The following FAM149B1 variants were observed in gnomAD, a reference collection of about 807,000 sequenced individuals.
FAM149B1 encodes primary cilium assembly protein FAM149B1.
FAM149B1 carries 56 observed loss-of-function variants against 75.3 expected under a neutral mutation model. The observed-to-expected ratio is 0.74, with a 90% CI of 0.60 to 0.93. The LOEUF is 0.93. Ranked by LOEUF, FAM149B1 falls within the 40% of genes least tolerant of loss-of-function variation. FAM149B1 has a pLI of 0.00. For synonymous variants in FAM149B1, 259 were observed against 256.1 expected (o/e 1.01, Z -0.11); for missense variants, 639 against 708.4 (o/e 0.90, Z 1.11).
In FAM149B1 at chr10:73,193,570, G is replaced by T. The variant is rs2042728384; in HGVS notation, c.519G>T (p.Leu173Phe). The T allele has an allele frequency of 6.4e-7, 1 of 1,550,824 alleles. No individual in the cohort carries two copies. The highest frequency in any genetic ancestry group is 2.0e-5 in the Admixed American group (1 of 50,946). The change falls in exon 5 of 14, where the codon TTG becomes TTT. Residue 173 changes from leucine (L) to phenylalanine (F), a missense_variant. By Grantham distance (22) the Leu-to-Phe change is conservative (BLOSUM62 0). Transcript: ENST00000242505. ...TTTCCGCTTCATATGAAACAACCTT[G>T]TCTCAAGAAAGAGATTCTACTATGT... ...SAVSASYETTLSQERDSTIFG... is the reference protein window; with the variant it reads ...SAVSASYETTFSQERDSTIFG...
chr10:73,210,978 C>T (rs2043176075), intron 7 of FAM149B1, among the ~76,000 whole-genome samples: 1 of 152,122 alleles, frequency 6.6e-6, no homozygotes, highest in African/African-American at 2.4e-5. Flanking sequence ...ACACCACATC[C>T]TATAATTCAG....
At chr10:73,232,842 A>C in intron 9 of FAM149B1, 97 bp from the exon 10 acceptor site, 2 of 714,136 alleles carry the variant, frequency 2.8e-6, no homozygotes, top group Non-Finnish European at 4.8e-6. Context: ...TTTCCCCCTA[A>C]ATGTAGTTTC....
chr10:73,220,281 T>G lies in FAM149B1; in HGVS notation c.899-7779T>G, dbSNP rs556390367. Among the ~76,000 whole-genome samples the G allele has an allele frequency of 7.2e-5, 11 of 152,220 alleles. 1 individual carries two copies. The South Asian group carries it at 2.3e-3, about 32-fold the overall frequency. The stretch of plus-strand genomic sequence containing the variant: ...TTAAAAGAAAAATAACAAGTGTTAG[T>G]AAAGATACAGAGAAATTGGAACCCT... On this transcript the variant is annotated intron_variant, in intron 7 of 13. Transcript: ENST00000242505.
At chr10:73,192,436 C>A in intron 3 of FAM149B1, 120 bp from the exon 4 acceptor site, 1 of 927,124 alleles carries the variant, frequency 1.1e-6, no homozygotes. Context: ...GGAAACACAG[C>A]AGTATTTCAA....
At position 73,243,661 on chromosome 10, in the gene FAM149B1, G is replaced by T; in HGVS notation, c.*2642G>T. ...GAATGGTGAAAATGTCCTACAATTG[G>T]TGTTAATAATTGTAAAACTTTGTAA... On this transcript the variant is annotated 3_prime_UTR_variant, in exon 14 of 14. Coordinates refer to ENST00000242505, the MANE Select transcript of FAM149B1 (RefSeq NM_173348.2). 8.3e-7 allele frequency: 1 copy of T among 1,205,094 alleles called. No individual in the cohort carries two copies. Among genetic ancestry groups the T allele is most frequent in the Non-Finnish European group, 1.2e-6 (1 of 856,262 alleles). 74.7% of individuals were successfully genotyped at this position (1,205,094 alleles called of 1,614,324 possible).
intron 5 of FAM149B1, chr10:73,201,074 G>A: frequency 3.6e-6 from 1 of 278,956 alleles, no homozygotes; most frequent in South Asian, 4.7e-5. Flanking sequence ...CATGAAAACT[G>A]TATTCGCAGA....
chr10:73,189,856 G>A (rs772675631), intron 3 of FAM149B1, among the ~76,000 whole-genome samples: 2 of 152,200 alleles, frequency 1.3e-5, no homozygotes, highest in Non-Finnish European at 2.9e-5. Context: ...TTGAATGTAA[G>A]TTATTCCTCA....
chr10:73,200,461 G>A, intron 5 of FAM149B1: 1 of 618,028 alleles, frequency 1.6e-6, no homozygotes, highest in Non-Finnish European at 3.2e-6. Flanking sequence ...ACTGCAGGCT[G>A]AAGTACCACA....
intron 7 of FAM149B1, among the ~76,000 whole-genome samples, chr10:73,219,636 C>A (rs1444556136): frequency 1.3e-5 from 2 of 152,028 alleles, no homozygotes; most frequent in Non-Finnish European, 2.9e-5. Flanking sequence ...TTCAAGGGTG[C>A]CAAGATCATT....
chr10:73,227,730 C>T (rs1404608369), intron 7 of FAM149B1, among the ~76,000 whole-genome samples: 2 of 152,124 alleles, frequency 1.3e-5, no homozygotes, highest in African/African-American at 4.8e-5. Flanking sequence ...TGCTCTATAG[C>T]TATAGGAGGG....
chr10:73,197,465 A>C (rs1309675021), intron 5 of FAM149B1, among the ~76,000 whole-genome samples: 1 of 152,238 alleles, frequency 6.6e-6, no homozygotes, highest in African/African-American at 2.4e-5. Flanking sequence ...GAGAAAAACA[A>C]ACACACAAAA....
intron 12 of FAM149B1, among the ~76,000 whole-genome samples, chr10:73,238,555 A>AT (rs1564719308): frequency 6.6e-6 from 1 of 152,246 alleles, no homozygotes; most frequent in South Asian, 2.1e-4. Context: ...CCTTCATACC[A>AT]TAACAGCGAA....
intron 5 of FAM149B1, chr10:73,200,424 G>GAA (rs1360854773): frequency 1.6e-6 from 1 of 611,062 alleles, no homozygotes; most frequent in Non-Finnish European, 3.2e-6. Context: ...TGCATTGGTG[G>GAA]AACAAATGTT....
At chr10:73,172,653 T>C (rs1041651529) in intron 1 of FAM149B1, among the ~76,000 whole-genome samples, 1 of 152,184 alleles carries the variant, frequency 6.6e-6, no homozygotes, top group African/African-American at 2.4e-5. Context: ...TAGGAACATA[T>C]ATTGATTGAC....
intron 12 of FAM149B1, among the ~76,000 whole-genome samples, chr10:73,235,875 C>T (rs995405440): frequency 6.6e-6 from 1 of 152,102 alleles, no homozygotes; most frequent in Non-Finnish European, 1.5e-5. Context: ...GCTGACACTG[C>T]CTACCATTTA....
intron 3 of FAM149B1, among the ~76,000 whole-genome samples, chr10:73,181,948 T>A (rs2395011): frequency 0.16 from 23,826 of 152,012 alleles, 3,076 homozygotes; most frequent in African/African-American, 0.33. Context: ...TATGTTTAAA[T>A]TTGTTATATG....
intron 5 of FAM149B1, among the ~76,000 whole-genome samples, chr10:73,208,136 G>A (rs752773215): frequency 1.3e-4 from 20 of 152,210 alleles, no homozygotes; most frequent in East Asian, 3.9e-4. Flanking sequence ...CTGTCTTTGC[G>A]ATAGTGAGTT....
Position 73,235,184 on chromosome 10 carries a change from C to G in FAM149B1, c.1477-9C>G. On this transcript the variant is annotated splice_polypyrimidine_tract_variant and intron_variant, in intron 11 of 13. Transcript: ENST00000242505. ...TTCACTGTTTCTGTAACTTTTGTCTCCTCTGCAGAAACCCCATGGCGACTC... is the reference window on the plus strand; with the variant it reads ...TTCACTGTTTCTGTAACTTTTGTCTGCTCTGCAGAAACCCCATGGCGACTC... 1 of 1,551,386 alleles carries G rather than the reference C, an allele frequency of 6.4e-7. No individual in the cohort carries two copies. The highest frequency in any genetic ancestry group is 8.7e-7 in the Non-Finnish European group (1 of 1,146,734).
chr10:73,237,836 A>C (rs896675487), intron 12 of FAM149B1, among the ~76,000 whole-genome samples: 3 of 151,966 alleles, frequency 2.0e-5, no homozygotes, highest in African/African-American at 7.3e-5. Flanking sequence ...TGATCCTCCC[A>C]CCGCAGCCTC....
Sources: allele counts gnomAD v4.1 joint callset (sites outside exome capture counted in the v4.1 genomes callset), GRCh38; gene constraint gnomAD v4.1.1; transcripts MANE v1.5; gene names NCBI Gene and HGNC (gene_info 2026-07-23, HGNC 2026-07-21).